LIN9: variants seen among roughly 807,000 people sequenced by gnomAD.
The protein encoded by LIN9 is protein lin-9 homolog.
In LIN9, 18 loss-of-function variants were observed where a neutral mutation model predicts 78.0. The observed-to-expected ratio is 0.23, with a 90% CI of 0.16 to 0.34. The LOEUF (loss-of-function observed/expected upper bound fraction) is 0.34. Ranked by LOEUF, LIN9 falls within the 10% of genes least tolerant of loss-of-function variation. The pLI is 1.00. For synonymous variants in LIN9, 192 were observed against 215.2 expected (o/e 0.89, Z 0.94); for missense variants, 451 against 644.1 (o/e 0.70, Z 3.25).
chr1:226,241,273 C>T (rs955129213), intron 11 of LIN9, among the ~76,000 whole-genome samples: 1 of 152,074 alleles, frequency 6.6e-6, no homozygotes, highest in South Asian at 2.1e-4. Context: ...AATTTCATTT[C>T]CTTGTTGGGA....
chr1:226,275,693 G>GAAAAA (rs1272770989), intron 7 of LIN9, among the ~76,000 whole-genome samples: 1 of 128,750 alleles, frequency 7.8e-6, no homozygotes, highest in Non-Finnish European at 1.6e-5. Context: ...CTCCGTCTCA[G>GAAAAA]AAAAAAAAAA....
At position 226,304,066 on chromosome 1, in the gene LIN9, G is replaced by A. The variant is rs150314183; in HGVS notation, c.32-2861C>T. ...GCTATTGTTTCTTCATGTGTAAAAT[G>A]AGGATTAAATGAGTTAATACATGTA... On this transcript the variant is annotated intron_variant, in intron 1 of 14. Transcript: ENST00000681046. 4.9e-3 allele frequency among the ~76,000 whole-genome samples: 743 copies of A among 152,314 alleles called. 2 individuals are homozygous for A. Among genetic ancestry groups the A allele is most frequent in the Middle Eastern group, 0.041 (12 of 294 alleles).
chr1:226,307,216 G>T (rs1009958097), intron 1 of LIN9, among the ~76,000 whole-genome samples: 1 of 152,214 alleles, frequency 6.6e-6, no homozygotes, highest in African/African-American at 2.4e-5. Flanking sequence ...TAGCTCTAGT[G>T]ATTGTGACAT....
At chr1:226,291,790 T>C (rs1363830797) in intron 4 of LIN9, among the ~76,000 whole-genome samples, 1 of 152,190 alleles carries the variant, frequency 6.6e-6, no homozygotes, top group Non-Finnish European at 1.5e-5. Context: ...ACAGGCTTTA[T>C]TTGGATTTTA....
intron 6 of LIN9, among the ~76,000 whole-genome samples, chr1:226,281,698 CTTTTTT>C (rs1163172942): frequency 1.4e-5 from 2 of 142,416 alleles, no homozygotes; most frequent in African/African-American, 5.1e-5. Flanking sequence ...TTTTCTTTTT[CTTTTTT>C]TTTTTTTGAT....
intron 4 of LIN9, among the ~76,000 whole-genome samples, chr1:226,295,216 G>A (rs1485206584): frequency 4.6e-5 from 7 of 151,922 alleles, no homozygotes; most frequent in South Asian, 2.1e-4. Context: ...TTGGGAGGCC[G>A]AGGCGGGTAG....
rs115212810 is a variant in LIN9, at chr1:226,265,716, C to T, written c.937-82G>A. The T allele has an allele frequency of 3.8e-4, 278 of 728,982 alleles. 2 individuals carry two copies. The highest frequency in any genetic ancestry group is 3.7e-3 in the African/African-American group (204 of 54,878). 45.2% of individuals were successfully genotyped at this position (728,982 alleles called of 1,614,324 possible). A position where few individuals can be genotyped will look rare whatever the true frequency, so the allele number is the denominator to read the frequency against. The stretch of plus-strand genomic sequence containing the variant: ...TTTTTTATTTTTATTTTTTTTTAGA[C>T]GGAGTCTCGCTCTGTTGCCACTTGT... On this transcript the variant is annotated intron_variant, in intron 9 of 14. Coordinates refer to ENST00000681046, the MANE Select transcript of LIN9 (RefSeq NM_001366245.2). This position sits in a 1 kb window ranked among gnomAD's most constrained non-coding sequence, Gnocchi z 4.1.
intron 7 of LIN9, among the ~76,000 whole-genome samples, chr1:226,275,341 C>A (rs1239886400): frequency 6.6e-6 from 1 of 152,104 alleles, no homozygotes; most frequent in East Asian, 1.9e-4. Context: ...GGCCTATAGG[C>A]CGTAAGTTTG....
intron 1 of LIN9, among the ~76,000 whole-genome samples, chr1:226,302,000 T>C (rs1240169457): frequency 1.3e-5 from 2 of 151,730 alleles, no homozygotes; most frequent in Non-Finnish European, 2.9e-5. Context: ...GCCTGGGAGG[T>C]TGAGGCGGCA....
chr1:226,236,679 G>T (rs911499634), intron 12 of LIN9, among the ~76,000 whole-genome samples: 1 of 152,058 alleles, frequency 6.6e-6, no homozygotes, highest in Non-Finnish European at 1.5e-5. Flanking sequence ...GGATGGTCTC[G>T]ATCTCCTGAC....
chr1:226,286,301 A>G (rs754603208), intron 6 of LIN9, 32 bp downstream of exon 6: 1 of 1,594,242 alleles, frequency 6.3e-7, no homozygotes, highest in Non-Finnish European at 8.5e-7. Context: ...GCTTGATTTT[A>G]TTTTAAACAA....
chr1:226,287,674 T>G lies in LIN9; in HGVS notation c.388A>C (p.Asn130His). The change falls in exon 5 of 15, where the codon AAT becomes CAT. Residue 130 changes from asparagine (N) to histidine (H), a missense_variant. Physicochemically the swap from Asn to His is moderately conservative, Grantham distance 68. Coordinates refer to ENST00000681046, the MANE Select transcript of LIN9 (RefSeq NM_001366245.2). ...KWCIYEWFYS[N>H]IDKPLFEGDN... ...AGCCATGATACATACTTATCTATAT[T>G]TGAATAGAACCACTCGTATATACAC... 1.3e-6 allele frequency: 2 copies of G among 1,537,824 alleles called. No homozygotes were observed. Among genetic ancestry groups the G allele is most frequent in the Non-Finnish European group, 1.7e-6 (2 of 1,150,366 alleles).
At chr1:226,234,811 A>C (rs1335124250) in intron 12 of LIN9, among the ~76,000 whole-genome samples, 1 of 151,930 alleles carries the variant, frequency 6.6e-6, no homozygotes, top group Admixed American at 6.6e-5. Flanking sequence ...TTCCCATCTA[A>C]TGCCACAGGG....
At chr1:226,305,799 AG>A (rs1182191438) in intron 1 of LIN9, among the ~76,000 whole-genome samples, 1 of 152,178 alleles carries the variant, frequency 6.6e-6, no homozygotes, top group Non-Finnish European at 1.5e-5. Flanking sequence ...AGGGTCTTAT[AG>A]CTACTAAAGG....
intron 7 of LIN9, among the ~76,000 whole-genome samples, chr1:226,272,806 A>C (rs568231920): frequency 2.0e-5 from 3 of 152,136 alleles, no homozygotes; most frequent in East Asian, 1.9e-4. Context: ...TTTGACCCCC[A>C]CATTCTCACC....
Position 226,265,821 on chromosome 1 carries a change from G to C in LIN9, c.937-187C>G, listed in dbSNP as rs963970771. Among the ~76,000 whole-genome samples the C allele has an allele frequency of 6.6e-6, 1 of 152,014 alleles. No individual in the cohort carries two copies. The highest frequency in any genetic ancestry group is 2.4e-5 in the African/African-American group (1 of 41,360). On this transcript the variant is annotated intron_variant, in intron 9 of 14. Coordinates refer to ENST00000681046, the MANE Select transcript of LIN9 (RefSeq NM_001366245.2). This position sits in a 1 kb window ranked among gnomAD's most constrained non-coding sequence, Gnocchi z 4.1. ...AGCCTCCCGAGCAGCTGGGATTACA[G>C]GCGCGCGCCACCACGCCCAGCTAAT...
intron 1 of LIN9, among the ~76,000 whole-genome samples, chr1:226,307,371 G>A (rs573451361): frequency 1.1e-3 from 174 of 152,316 alleles, no homozygotes; most frequent in African/African-American, 3.6e-3. Flanking sequence ...GGTGGCTCAC[G>A]CCTGTAATCC....
intron 11 of LIN9, among the ~76,000 whole-genome samples, chr1:226,239,762 TCC>T (rs1657982749): frequency 6.6e-6 from 1 of 152,186 alleles, no homozygotes; most frequent in African/African-American, 2.4e-5. Context: ...GTGTCATCAT[TCC>T]ATATATGCTC....
intron 8 of LIN9, among the ~76,000 whole-genome samples, chr1:226,267,318 A>ATGTATGTATGTATGTATG (rs60392041): frequency 0.028 from 3,986 of 140,860 alleles, 91 homozygotes; most frequent in Middle Eastern, 0.043. Flanking sequence ...TATTATGTAT[A>ATGTATGTATGTATGTATG]TATGTATGTA....
Sources: gnomAD v4.1 joint callset for allele counts (sites outside exome capture counted in the v4.1 genomes callset) on GRCh38, gnomAD v4.1.1 for gene constraint, Gnocchi (gnomAD v3.1) non-coding constraint, MANE v1.5 for transcripts, NCBI Gene and HGNC (gene_info 2026-07-23, HGNC 2026-07-21) for gene names.